Variants in IL7R observed in about 807,000 individuals in gnomAD.
IL7R encodes interleukin 7 receptor, also known as interleukin-7 receptor subunit alpha.
In IL7R, 38 loss-of-function variants were observed where a neutral mutation model predicts 47.0. That is an observed-to-expected ratio of 0.81 (90% confidence interval 0.62 to 1.06). IL7R has a LOEUF of 1.06. Ranked by LOEUF, IL7R falls within the 50% of genes least tolerant of loss-of-function variation. The pLI is 0.00. For missense variants in IL7R, 633 were observed against 534.8 expected, an observed-to-expected ratio of 1.18 and a Z score of -1.81; for synonymous variants, 221 against 199.8, an observed-to-expected ratio of 1.11 and a Z score of -0.89.
chr5:35,860,211 G>C (rs1759766591), intron 1 of IL7R, among the ~76,000 whole-genome samples: 1 of 152,156 alleles, frequency 6.6e-6, no homozygotes, highest in Non-Finnish European at 1.5e-5. Flanking sequence ...AGTCCTGCCA[G>C]ATCTAATTTT....
chr5:35,865,774 C>T (rs968971059), intron 2 of IL7R, among the ~76,000 whole-genome samples: 2 of 151,940 alleles, frequency 1.3e-5, no homozygotes, highest in Non-Finnish European at 2.9e-5. Context: ...AACAAACAAC[C>T]CCATCAAAAA....
chr5:35,875,904 A>C, intron 7 of IL7R, 79 bp from the exon 8 acceptor site: 1 of 1,472,018 alleles, frequency 6.8e-7, no homozygotes, highest in South Asian at 1.1e-5. Context: ...AAAACTCTAT[A>C]GACCTACTCC....
chr5:35,862,184 G>A (rs552462133), intron 2 of IL7R, among the ~76,000 whole-genome samples: 11 of 151,518 alleles, frequency 7.3e-5, no homozygotes, highest in Admixed American at 6.6e-5. Context: ...GAACCAGTTC[G>A]ATGTCCACAA....
chr5:35,868,686 C>A (rs537833349), intron 3 of IL7R, among the ~76,000 whole-genome samples: 53 of 152,340 alleles, frequency 3.5e-4, no homozygotes, highest in African/African-American at 1.2e-3. Flanking sequence ...TGCAAATATA[C>A]ATTCAGTTCT....
chr5:35,862,228 AT>A (rs11567708), intron 2 of IL7R, among the ~76,000 whole-genome samples: 108,403 of 151,900 alleles, frequency 0.71, 39,715 homozygotes, highest in African/African-American at 0.87. Flanking sequence ...TAAAACAGCC[AT>A]AACAACTCAT....
At chr5:35,874,956 T>G (rs927823552) in intron 6 of IL7R, among the ~76,000 whole-genome samples, 5 of 152,256 alleles carry the variant, frequency 3.3e-5, no homozygotes, top group African/African-American at 7.2e-5. Context: ...AACATGCACT[T>G]GTTAAATTAC....
intron 2 of IL7R, among the ~76,000 whole-genome samples, chr5:35,862,963 C>A (rs1156852335): frequency 2.6e-5 from 4 of 152,050 alleles, no homozygotes; most frequent in African/African-American, 9.7e-5. Context: ...TCAGATCTTT[C>A]CACCTGATGT....
rs534157264 is a variant in IL7R at position 35,870,938 on chromosome 5, T to C, written c.380-118T>C. ...GAAGAAGAAATGGTTTTCTGAATAG[T>C]TGGCCATTTACTGACACAAAAAGGG... On this transcript the variant is annotated intron_variant, in intron 3 of 7. Coordinates refer to ENST00000303115, the MANE Select transcript of IL7R (RefSeq NM_002185.5). 10 of 830,854 alleles carry C rather than the reference T, an allele frequency of 1.2e-5. No homozygotes were observed. In the South Asian group the frequency reaches 1.3e-4, roughly 10 times the overall value. 51.5% of individuals were successfully genotyped at this position (830,854 alleles called of 1,614,324 possible).
In IL7R at chr5:35,874,662, C is replaced by T. The variant is rs958529577; in HGVS notation, c.800+120C>T. 5.1e-6 allele frequency: 4 copies of T among 784,820 alleles called. No individual in the cohort carries two copies. The East Asian group carries it at 1.0e-4, about 20-fold the overall frequency. 48.6% of individuals were successfully genotyped at this position (784,820 alleles called of 1,614,324 possible). A position where few individuals can be genotyped will look rare whatever the true frequency, so the allele number is the denominator to read the frequency against. On this transcript the variant is annotated intron_variant, in intron 6 of 7. Coordinates refer to ENST00000303115, the MANE Select transcript of IL7R (RefSeq NM_002185.5). Reference sequence around the variant, plus strand: ...ATTAAGGCATTTCACGAATTTAGTGCCCAGTATCCCTATCTATCCTCAGCG... The same window carrying T: ...ATTAAGGCATTTCACGAATTTAGTGTCCAGTATCCCTATCTATCCTCAGCG...
rs1760180289 is a variant in IL7R at position 35,875,410 on chromosome 5, A to G, written c.801-102A>G. The G allele has an allele frequency of 3.5e-6, 3 of 859,484 alleles. 1 individual carries two copies. The South Asian group carries it at 4.2e-5, about 12-fold the overall frequency. 53.2% of individuals were successfully genotyped at this position (859,484 alleles called of 1,614,324 possible). A position where few individuals can be genotyped will look rare whatever the true frequency, so the allele number is the denominator to read the frequency against. On this transcript the variant is annotated intron_variant, in intron 6 of 7. Coordinates refer to ENST00000303115, the MANE Select transcript of IL7R (RefSeq NM_002185.5). ...ACCTAATTGTGTTAGAGCCAAGACT[A>G]GAAATCTGTTCTTCTGATTCCAAGC...
intron 1 of IL7R, among the ~76,000 whole-genome samples, 177 bp downstream of exon 1, chr5:35,857,236 A>G (rs1482109198): frequency 1.3e-5 from 2 of 152,132 alleles, no homozygotes; most frequent in African/African-American, 4.8e-5. Flanking sequence ...CAGGGGATCA[A>G]TACTATGGGT....
intron 3 of IL7R, among the ~76,000 whole-genome samples, chr5:35,868,699 G>A (rs1442338879): frequency 6.6e-6 from 1 of 152,230 alleles, no homozygotes; most frequent in Non-Finnish European, 1.5e-5. Context: ...TCAGTTCTCT[G>A]AGAGTGAGCA....
chr5:35,875,374 C>T, intron 6 of IL7R, 138 bp from the exon 7 acceptor site: 1 of 726,702 alleles, frequency 1.4e-6, no homozygotes, highest in Non-Finnish European at 2.5e-6. Flanking sequence ...GTCTCTTGAC[C>T]ATGGTCACCC....
intron 5 of IL7R, 35 bp from the exon 6 acceptor site, chr5:35,874,414 C>T (rs753992172): frequency 7.0e-6 from 10 of 1,428,732 alleles, no homozygotes; most frequent in Non-Finnish European, 9.9e-6. Context: ...TGCATGGCTA[C>T]TGAATGCTCA....
At chr5:35,863,676 C>T (rs1167032713) in intron 2 of IL7R, among the ~76,000 whole-genome samples, 5 of 152,138 alleles carry the variant, frequency 3.3e-5, no homozygotes, top group Non-Finnish European at 1.5e-5. Context: ...AGTTATACCT[C>T]TTTAGAGCTA....
intron 3 of IL7R, among the ~76,000 whole-genome samples, chr5:35,868,573 C>T (rs1759996554): frequency 6.6e-6 from 1 of 152,146 alleles, no homozygotes; most frequent in African/African-American, 2.4e-5. Flanking sequence ...CTGGCTTTGA[C>T]AACAACAGGG....
At chr5:35,872,785 C>T (rs1038508745) in intron 4 of IL7R, among the ~76,000 whole-genome samples, 3 of 151,668 alleles carry the variant, frequency 2.0e-5, no homozygotes, top group Admixed American at 6.6e-5. Context: ...TAAAAGTAAG[C>T]TTAAATTGCC....
Position 35,860,850 on chromosome 5 carries a change from A to G in IL7R, c.83-2A>G, listed in dbSNP as rs886060531. On this transcript the variant is annotated splice_acceptor_variant, in intron 1 of 7. Coordinates refer to ENST00000303115, the MANE Select transcript of IL7R (RefSeq NM_002185.5). LOFTEE classifies it high-confidence loss of function. ...AACAGCTGCATGTTTGTTCCTCCCC[A>G]GGAGACTTGGAAGATGCAGAACTGG... 6.2e-6 allele frequency: 10 copies of G among 1,613,378 alleles called. No individual in the cohort carries two copies. The highest frequency in any genetic ancestry group is 3.3e-5 in the Admixed American group (2 of 59,992).
Position 35,879,256 on chromosome 5 carries a change from G to A in IL7R, c.*2770G>A, listed in dbSNP as rs142305608. ...ACCAGCCTTTGCCTCTTCCTTCAAT[G>A]TGGTTTCCATGGGAATTTGCTTCAG... On this transcript the variant is annotated 3_prime_UTR_variant, in exon 8 of 8. Transcript: ENST00000303115. The A allele has an allele frequency of 1.9e-3, 454 of 232,930 alleles. 3 individuals carry two copies. Among genetic ancestry groups the A allele is most frequent in the African/African-American group, 9.7e-3 (442 of 45,460 alleles). 14.4% of individuals were successfully genotyped at this position (232,930 alleles called of 1,614,324 possible). A position where few individuals can be genotyped will look rare whatever the true frequency, so the allele number is the denominator to read the frequency against.
Sources: gnomAD v4.1 joint callset for allele counts (sites outside exome capture counted in the v4.1 genomes callset) on GRCh38, gnomAD v4.1.1 for gene constraint, MANE v1.5 for transcripts, NCBI Gene and HGNC (gene_info 2026-07-23, HGNC 2026-07-21) for gene names.